RBM39: variants seen among roughly 807,000 people sequenced by gnomAD.
The protein encoded by RBM39 is RNA-binding protein 39.
Under a neutral mutation model 79.6 loss-of-function variants are expected in RBM39, and 12 were observed. The ratio of observed to expected loss-of-function variants is 0.15; its 90% CI spans 0.10 to 0.24. The LOEUF (loss-of-function observed/expected upper bound fraction) is 0.24. Among genes scored for constraint, RBM39 ranks in the 10% least tolerant of loss-of-function variants. The pLI, the probability that RBM39 is intolerant of heterozygous loss-of-function variation, is 1.00. For synonymous variants in RBM39, 185 were observed against 208.4 expected (o/e 0.89, Z 0.97); for missense variants, 243 against 653.4 (o/e 0.37, Z 6.85).
intron 13 of RBM39, 188 bp from the exon 14 acceptor site, chr20:35,707,389 T>TGCCAGA: frequency 2.5e-6 from 1 of 393,200 alleles, no homozygotes; most frequent in Admixed American, 4.3e-5. Context: ...AAAACTGAGG[T>TGCCAGA]AACCTAATAC....
chr20:35,730,721 T>TA (rs2039272532), intron 4 of RBM39, among the ~76,000 whole-genome samples: 1 of 151,930 alleles, frequency 6.6e-6, no homozygotes. Flanking sequence ...TTCATCCTGG[T>TA]AAAAAGATTT....
chr20:35,734,036 G>A, intron 3 of RBM39: 1 of 259,400 alleles, frequency 3.9e-6, no homozygotes. Context: ...TAAACATTTT[G>A]ACAATTCTGT....
intron 11 of RBM39, 59 bp downstream of exon 11, chr20:35,714,126 C>T (rs2036816604): frequency 6.5e-7 from 1 of 1,527,802 alleles, no homozygotes; most frequent in Non-Finnish European, 9.0e-7. Flanking sequence ...TACATGGCTA[C>T]CTTTCTTTTC....
At position 35,732,212 on chromosome 20, in the gene RBM39, C is replaced by T. The variant is rs773515620; in HGVS notation, c.102-77G>A. The T allele has an allele frequency of 2.3e-6, 3 of 1,285,634 alleles. No individual in the cohort carries two copies. The Admixed American group carries it at 5.6e-5, about 24-fold the overall frequency. 79.6% of individuals were successfully genotyped at this position (1,285,634 alleles called of 1,614,324 possible). A position where few individuals can be genotyped will look rare whatever the true frequency, so the allele number is the denominator to read the frequency against. On this transcript the variant is annotated intron_variant, in intron 3 of 16. Transcript: ENST00000253363. The stretch of plus-strand genomic sequence containing the variant: ...ATATACTACCTTTTATGGCCAGAAT[C>T]ATTTTTTCATCCTTTCATAAATTTC...
chr20:35,740,469 G>C (rs1158580650), intron 2 of RBM39: 1 of 1,096,500 alleles, frequency 9.1e-7, no homozygotes, highest in Non-Finnish European at 1.2e-6. Context: ...GTAATTCTTA[G>C]TTGAGTCATT....
chr20:35,738,829 C>A (rs2146749343), intron 3 of RBM39, 139 bp downstream of exon 3: 1 of 758,488 alleles, frequency 1.3e-6, no homozygotes, highest in East Asian at 2.8e-5. Flanking sequence ...TCTCAAAAGG[C>A]AAAGAACCAA....
At chr20:35,734,973 T>G in intron 3 of RBM39, 1 of 1,610,654 alleles carries the variant, frequency 6.2e-7, no homozygotes, top group East Asian at 2.2e-5. Flanking sequence ...TCCACTGGGC[T>G]GGGCCTTTGG....
chr20:35,724,805 A>T, intron 7 of RBM39, 83 bp from the exon 8 acceptor site: 3 of 1,457,076 alleles, frequency 2.1e-6, no homozygotes, highest in Non-Finnish European at 1.9e-6. Context: ...TGAAGGATGA[A>T]GGTATTTTTA....
chr20:35,717,835 G>A (rs1277529070), intron 9 of RBM39, among the ~76,000 whole-genome samples: 1 of 151,908 alleles, frequency 6.6e-6, no homozygotes, highest in African/African-American at 2.4e-5. Flanking sequence ...AGTCACAGAG[G>A]GAGACTCTGT....
chr20:35,706,510 G>A (rs1227217497), intron 14 of RBM39, among the ~76,000 whole-genome samples: 1 of 151,938 alleles, frequency 6.6e-6, no homozygotes, highest in African/African-American at 2.4e-5. Flanking sequence ...TATTGAAATC[G>A]AAACAAAAAT....
intron 7 of RBM39, 42 bp from the exon 8 acceptor site, chr20:35,724,764 A>G: frequency 2.5e-6 from 4 of 1,593,968 alleles, no homozygotes; most frequent in Non-Finnish European, 3.4e-6. Flanking sequence ...ATCCATTGTA[A>G]CACATGTAGA....
intron 9 of RBM39, chr20:35,719,941 C>A: frequency 4.0e-6 from 1 of 252,772 alleles, no homozygotes; most frequent in South Asian, 3.1e-5. Context: ...CGCCACCACA[C>A]CCACCTAATT....
chr20:35,740,373 C>A (rs2040392528), intron 2 of RBM39: 1 of 366,702 alleles, frequency 2.7e-6, no homozygotes, highest in African/African-American at 2.1e-5. Flanking sequence ...TAACTTGCCA[C>A]AGACTGGTCA....
At chr20:35,707,027 TAAAAA>T (rs58614202) in intron 14 of RBM39, 88 bp downstream of exon 14, 61 of 151,816 alleles carry the variant, frequency 4.0e-4, no homozygotes, top group Middle Eastern at 5.8e-3. Flanking sequence ...AACTCCATCT[TAAAAA>T]AAAAAAAAAA....
At chr20:35,719,011 TA>T (rs2037549922) in intron 9 of RBM39, among the ~76,000 whole-genome samples, 1 of 152,032 alleles carries the variant, frequency 6.6e-6, no homozygotes, top group African/African-American at 2.4e-5. Flanking sequence ...GGCTTCTTAT[TA>T]AAGCTGCTAC....
chr20:35,721,681 T>G lies in RBM39; in HGVS notation c.825+59A>C, dbSNP rs2037959466. The G allele has an allele frequency of 3.9e-6, 6 of 1,544,164 alleles. No individual in the cohort carries two copies. The East Asian group carries it at 9.1e-5, about 23-fold the overall frequency. ...ATAACAAAGCAAGACATACAGAAATTATGTAGTTATACTCAGATCAACAAC... is the reference window on the plus strand; with the variant it reads ...ATAACAAAGCAAGACATACAGAAATGATGTAGTTATACTCAGATCAACAAC... On this transcript the variant is annotated intron_variant, in intron 9 of 16. Coordinates refer to ENST00000253363, the MANE Select transcript of RBM39 (RefSeq NM_184234.3).
intron 3 of RBM39, among the ~76,000 whole-genome samples, chr20:35,733,592 G>C (rs776250645): frequency 1.3e-5 from 2 of 151,440 alleles, no homozygotes; most frequent in African/African-American, 2.4e-5. Flanking sequence ...CTGAGCAACA[G>C]AGCAAGACTG....
chr20:35,734,188 T>C, intron 3 of RBM39: 17 of 1,301,074 alleles, frequency 1.3e-5, no homozygotes, highest in Non-Finnish European at 1.7e-5. Flanking sequence ...ACACCCACCT[T>C]CTGGAATCTT....
rs760860288 is a variant in RBM39 at position 35,705,221 on chromosome 20, A to C, written c.1413+4T>G. The C allele has an allele frequency of 5.3e-6, 8 of 1,509,874 alleles. No individual in the cohort carries two copies. Among genetic ancestry groups the C allele is most frequent in the African/African-American group, 1.4e-5 (1 of 70,610 alleles). 93.5% of individuals were successfully genotyped at this position (1,509,874 alleles called of 1,614,324 possible). A position where few individuals can be genotyped will look rare whatever the true frequency, so the allele number is the denominator to read the frequency against. Reference sequence around the variant, plus strand: ...ACATCATTTATAAAAAAAGATGAAAATACCTGAGCTGAATTTTTGTCAACA... The same window carrying C: ...ACATCATTTATAAAAAAAGATGAAACTACCTGAGCTGAATTTTTGTCAACA... On this transcript the variant is annotated splice_donor_region_variant and intron_variant, in intron 15 of 16. Coordinates refer to ENST00000253363, the MANE Select transcript of RBM39 (RefSeq NM_184234.3).
Sources: allele counts gnomAD v4.1 joint callset (sites outside exome capture counted in the v4.1 genomes callset), GRCh38; gene constraint gnomAD v4.1.1; transcripts MANE v1.5; gene names NCBI Gene and HGNC (gene_info 2026-07-23, HGNC 2026-07-21).